Variants in MDGA2 observed in about 807,000 individuals in gnomAD.
The protein encoded by MDGA2 is MAM domain containing glycosylphosphatidylinositol anchor 2.
A neutral mutation model predicts 117.8 loss-of-function variants in MDGA2; 40 were observed. That is an observed-to-expected ratio of 0.34 (90% CI 0.26 to 0.44). The LOEUF (loss-of-function observed/expected upper bound fraction) is 0.44, where lower values mean the gene tolerates loss of function less well. Ranked by LOEUF, MDGA2 falls within the 20% of genes least tolerant of loss-of-function variation. The pLI, the probability that MDGA2 is intolerant of heterozygous loss-of-function variation, is 1.00. For missense variants in MDGA2, 1,123 were observed against 1,250.6 expected (o/e 0.90, Z 1.54); for synonymous variants, 452 against 439.0 (o/e 1.03, Z -0.37).
rs17118776 is a variant in MDGA2, at chr14:47,488,061, G to A, written c.280+186456C>T. Reference sequence around the variant, plus strand: ...ATGCTACACAGCCCTGGGGCTCTCTGGGTTATCTCAATGCTCCAAGTCACT... The same window carrying A: ...ATGCTACACAGCCCTGGGGCTCTCTAGGTTATCTCAATGCTCCAAGTCACT... On this transcript the variant is annotated intron_variant, in intron 1 of 16. Coordinates refer to ENST00000399232, the MANE Select transcript of MDGA2 (RefSeq NM_001113498.3). 0.049 allele frequency among the ~76,000 whole-genome samples: 7,431 copies of A among 152,098 alleles called. 849 individuals carry two copies. In the East Asian group the frequency reaches 0.51, roughly 10 times the overall value.
At chr14:47,134,201 G>A (rs1010023739) in intron 4 of MDGA2, among the ~76,000 whole-genome samples, 3 of 152,010 alleles carry the variant, frequency 2.0e-5, no homozygotes, top group African/African-American at 7.2e-5. Flanking sequence ...TAGAGATTAT[G>A]TCTGTCTTGC....
At chr14:47,180,184 C>A (rs1884642619) in intron 3 of MDGA2, among the ~76,000 whole-genome samples, 1 of 152,124 alleles carries the variant, frequency 6.6e-6, no homozygotes, top group East Asian at 1.9e-4. Context: ...TCCTTCCTCC[C>A]ACCCTCTGGC....
At chr14:47,139,051 T>A (rs181428145) in intron 4 of MDGA2, among the ~76,000 whole-genome samples, 27 of 152,226 alleles carry the variant, frequency 1.8e-4, no homozygotes, top group African/African-American at 2.9e-4. Context: ...TGAATGGGTA[T>A]ACAAAATAGA....
At chr14:47,249,834 T>G (rs1271045764) in intron 2 of MDGA2, among the ~76,000 whole-genome samples, 3 of 152,240 alleles carry the variant, frequency 2.0e-5, no homozygotes, top group Admixed American at 2.0e-4. Flanking sequence ...TTCTTCTTTG[T>G]ATTTCTTTTG....
intron 1 of MDGA2, among the ~76,000 whole-genome samples, chr14:47,633,130 C>T (rs1400935300): frequency 3.9e-5 from 6 of 152,164 alleles, no homozygotes; most frequent in Admixed American, 6.5e-5. Flanking sequence ...GGTCAGTATC[C>T]TAACTGCGCT....
At chr14:47,589,346 T>G (rs1248304988) in intron 1 of MDGA2, among the ~76,000 whole-genome samples, 1 of 152,014 alleles carries the variant, frequency 6.6e-6, no homozygotes, top group Non-Finnish European at 1.5e-5. Flanking sequence ...TCATTTGGCA[T>G]TAATTTCTGC....
chr14:47,454,492 G>A (rs1354689896), intron 1 of MDGA2, among the ~76,000 whole-genome samples: 2 of 152,052 alleles, frequency 1.3e-5, no homozygotes, highest in African/African-American at 4.8e-5. Flanking sequence ...AAGCTAATTC[G>A]ATAGTACTAT....
chr14:47,330,221 T>A (rs982089551), intron 1 of MDGA2, among the ~76,000 whole-genome samples: 2 of 151,942 alleles, frequency 1.3e-5, no homozygotes, highest in African/African-American at 2.4e-5. Context: ...GTATTTTGTA[T>A]GTCAATTTGA....
chr14:47,235,187 T>C (rs1483334465), intron 2 of MDGA2, among the ~76,000 whole-genome samples: 3 of 152,310 alleles, frequency 2.0e-5, no homozygotes, highest in South Asian at 2.1e-4. Flanking sequence ...AAAACAATTT[T>C]TGCATATCAC....
chr14:46,845,027 A>G (rs1880773631), intron 16 of MDGA2, among the ~76,000 whole-genome samples: 1 of 151,946 alleles, frequency 6.6e-6, no homozygotes, highest in Non-Finnish European at 1.5e-5. Context: ...GACTACAGGG[A>G]CTACACGCCC....
chr14:47,183,020 G>A (rs1213137675), intron 3 of MDGA2, among the ~76,000 whole-genome samples: 1 of 152,072 alleles, frequency 6.6e-6, no homozygotes, highest in Non-Finnish European at 1.5e-5. Context: ...CTCCTAAACT[G>A]AAATCCAGCT....
chr14:47,343,988 G>A (rs1247235152), intron 1 of MDGA2, among the ~76,000 whole-genome samples: 3 of 152,024 alleles, frequency 2.0e-5, no homozygotes, highest in Non-Finnish European at 2.9e-5. Context: ...GTATACCTCC[G>A]CGCATCTAGA....
chr14:46,987,948 G>T (rs1335594463), intron 8 of MDGA2, among the ~76,000 whole-genome samples: 1 of 151,728 alleles, frequency 6.6e-6, no homozygotes, highest in South Asian at 2.1e-4. Context: ...GCGCGCGTGT[G>T]TGTATGTTGT....
chr14:47,059,389 G>A (rs1248983805), intron 7 of MDGA2: 20 of 1,104,610 alleles, frequency 1.8e-5, no homozygotes, highest in Non-Finnish European at 2.4e-5. Flanking sequence ...ACCTTGGGTA[G>A]CCAGGCAAAT....
chr14:47,109,828 C>G (rs1206501064), intron 5 of MDGA2, among the ~76,000 whole-genome samples: 1 of 152,038 alleles, frequency 6.6e-6, no homozygotes, highest in East Asian at 1.9e-4. Context: ...GACCTGTAGT[C>G]CCAGCTACTT....
chr14:47,103,174 C>G (rs1167885744), intron 5 of MDGA2, among the ~76,000 whole-genome samples: 3 of 152,176 alleles, frequency 2.0e-5, no homozygotes, highest in Non-Finnish European at 4.4e-5. Flanking sequence ...ATATGCTAAA[C>G]AAATTAAATC....
At chr14:47,115,029 G>A (rs774539552) in intron 5 of MDGA2, among the ~76,000 whole-genome samples, 56 of 150,926 alleles carry the variant, frequency 3.7e-4, no homozygotes, top group Non-Finnish European at 1.2e-4. Flanking sequence ...ATGCTTTTAC[G>A]GTATAATGTA....
intron 1 of MDGA2, among the ~76,000 whole-genome samples, chr14:47,521,326 T>C (rs1894862346): frequency 6.6e-6 from 1 of 152,214 alleles, no homozygotes; most frequent in Admixed American, 6.5e-5. Context: ...TGACTCATCA[T>C]TCATGCATTA....
At position 47,287,627 on chromosome 14, in the gene MDGA2, G is replaced by A. The variant is rs1353028021; in HGVS notation, c.420+13784C>T. 5.3e-5 allele frequency among the ~76,000 whole-genome samples: 8 copies of A among 152,038 alleles called. No homozygotes were observed. In the East Asian group the frequency reaches 1.5e-3, roughly 29 times the overall value. On this transcript the variant is annotated intron_variant, in intron 2 of 16. Coordinates refer to ENST00000399232, the MANE Select transcript of MDGA2 (RefSeq NM_001113498.3). ...AATGCTGTACAATAGACCCTTTAAA[G>A]GTAGCCTTAGAATTTGTTCAGTAAA...
Sources: allele counts gnomAD v4.1 joint callset (sites outside exome capture counted in the v4.1 genomes callset), GRCh38; gene constraint gnomAD v4.1.1; transcripts MANE v1.5; gene names NCBI Gene and HGNC (gene_info 2026-07-23, HGNC 2026-07-21).